The following UTP20 variants were observed in gnomAD, a reference collection of about 807,000 sequenced individuals.
UTP20 encodes small subunit processome component 20 homolog.
UTP20 carries 164 observed loss-of-function variants against 329.5 expected under a neutral mutation model. The ratio of observed to expected loss-of-function variants is 0.50; its 90% CI spans 0.44 to 0.57. The LOEUF (loss-of-function observed/expected upper bound fraction) is 0.57. Ranked by LOEUF, UTP20 falls within the 20% of genes least tolerant of loss-of-function variation. The pLI, the probability that UTP20 is intolerant of heterozygous loss-of-function variation, is 0.00. For synonymous variants in UTP20, 1,151 were observed against 1,159.3 expected, an observed-to-expected ratio of 0.99 and a Z score of 0.14; for missense variants, 3,055 against 3,284.2, an observed-to-expected ratio of 0.93 and a Z score of 1.71.
intron 35 of UTP20, 65 bp from the exon 36 acceptor site, chr12:101,344,530 G>C (rs1869254989): frequency 3.8e-6 from 3 of 798,582 alleles, no homozygotes; most frequent in African/African-American, 3.4e-5. Flanking sequence ...CTTGCACTGG[G>C]AAGTAATATT....
At chr12:101,288,849 C>T (rs1231368746) in intron 5 of UTP20, 111 bp from the exon 6 acceptor site, 3 of 898,724 alleles carry the variant, frequency 3.3e-6, no homozygotes, top group East Asian at 5.4e-5. Context: ...TTGATACCTG[C>T]TGTGTATTCC....
At chr12:101,343,229 A>T in intron 35 of UTP20, 136 bp downstream of exon 35, 1 of 569,006 alleles carries the variant, frequency 1.8e-6, no homozygotes, top group Non-Finnish European at 2.9e-6. Context: ...CTTTTAGATG[A>T]AGAATCTTAT....
intron 17 of UTP20, 150 bp downstream of exon 17, chr12:101,306,911 C>G: frequency 1.5e-6 from 1 of 685,808 alleles, no homozygotes; most frequent in Non-Finnish European, 2.2e-6. Context: ...CGGTGGCTCA[C>G]GCCTGTAATC....
At chr12:101,301,125 C>T (rs1353216520) in intron 14 of UTP20, among the ~76,000 whole-genome samples, 1 of 152,168 alleles carries the variant, frequency 6.6e-6, no homozygotes, top group Non-Finnish European at 1.5e-5. Flanking sequence ...AAACAGGCTG[C>T]TTACCAGATC....
chr12:101,303,694 T>C (rs936960049), intron 15 of UTP20, among the ~76,000 whole-genome samples: 1 of 152,128 alleles, frequency 6.6e-6, no homozygotes, highest in Non-Finnish European at 1.5e-5. Context: ...GCCTTGGCTT[T>C]TACTCTGAAT....
chr12:101,320,966 T>C (rs1344973950), intron 24 of UTP20, 29 bp downstream of exon 24: 2 of 1,559,060 alleles, frequency 1.3e-6, no homozygotes, highest in East Asian at 4.6e-5. Flanking sequence ...AAAGAACTGT[T>C]ATTTCTTCAG....
In UTP20 at chr12:101,298,897, C is replaced by G. The variant is rs188837281; in HGVS notation, c.1431-785C>G. ...TTGTTTTTTTTTTTCCTTCCTTCCC[C>G]TACCTGACCATTTTTTGGTGAATTT... On this transcript the variant is annotated intron_variant, in intron 12 of 61. Coordinates refer to ENST00000261637, the MANE Select transcript of UTP20 (RefSeq NM_014503.3). 3.1e-3 allele frequency among the ~76,000 whole-genome samples: 473 copies of G among 151,202 alleles called. 2 individuals are homozygous for G. The highest frequency in any genetic ancestry group is 0.01 in the African/African-American group (427 of 41,236).
chr12:101,324,197 C>G (rs1011853007), intron 25 of UTP20, among the ~76,000 whole-genome samples: 4 of 149,894 alleles, frequency 2.7e-5, no homozygotes, highest in African/African-American at 9.8e-5. Flanking sequence ...TCTAAACTTT[C>G]TCTACTGATT....
chr12:101,293,046 C>T (rs536036656), intron 10 of UTP20, 122 bp from the exon 11 acceptor site: 8 of 924,528 alleles, frequency 8.7e-6, no homozygotes, highest in Admixed American at 4.6e-5. Context: ...TGGAGAAGGC[C>T]GGGCAACTGG....
intron 19 of UTP20, among the ~76,000 whole-genome samples, chr12:101,311,013 C>T (rs1205356768): frequency 1.3e-5 from 2 of 152,212 alleles, no homozygotes; most frequent in Non-Finnish European, 2.9e-5. Flanking sequence ...TACTGAATGC[C>T]ATGAGGCATT....
At chr12:101,369,232 C>A (rs569488300) in intron 48 of UTP20, among the ~76,000 whole-genome samples, 1 of 152,052 alleles carries the variant, frequency 6.6e-6, no homozygotes, top group Admixed American at 6.5e-5. Flanking sequence ...TTCTAGAAAA[C>A]AGAAAAGTCA....
intron 47 of UTP20, among the ~76,000 whole-genome samples, chr12:101,367,104 ACT>A (rs1359183851): frequency 1.3e-5 from 2 of 151,490 alleles, no homozygotes; most frequent in Non-Finnish European, 2.9e-5. Context: ...ACATAGCAAG[ACT>A]CTATCTCTAC....
intron 15 of UTP20, among the ~76,000 whole-genome samples, chr12:101,304,756 G>C (rs999562587): frequency 6.6e-6 from 1 of 152,216 alleles, no homozygotes; most frequent in African/African-American, 2.4e-5. Context: ...CAAAATGTCA[G>C]TAGTGCTACT....
rs1396708382 is a variant in UTP20 at position 101,342,576 on chromosome 12, G to A, written c.4232G>A (p.Cys1411Tyr). The change falls in exon 33 of 62, where the codon TGT becomes TAT. Residue 1411 changes from cysteine to tyrosine, a missense_variant. By Grantham distance (194) the Cys-to-Tyr change is radical. This residue lies in a region of UTP20 where 2,445 missense variants were observed against 2,575.5 expected (regional missense o/e 0.95). Coordinates refer to ENST00000261637, the MANE Select transcript of UTP20 (RefSeq NM_014503.3). ...IKNKLSRKLL[C>Y]TVFETLSDFE... ...AACAAATTGTCAAGAAAATTGCTTT[G>A]TACGGTTTTTGAGGTCTGTACTATT... The A allele has an allele frequency of 6.2e-7, 1 of 1,611,584 alleles. No individual in the cohort carries two copies. The highest frequency in any genetic ancestry group is 8.5e-7 in the Non-Finnish European group (1 of 1,179,280).
intron 12 of UTP20, among the ~76,000 whole-genome samples, chr12:101,296,202 T>C (rs905752557): frequency 2.6e-5 from 4 of 152,216 alleles, no homozygotes; most frequent in Non-Finnish European, 4.4e-5. Context: ...TATCCTGTGT[T>C]GATTTGTAAC....
chr12:101,341,738 C>T (rs995504078), intron 32 of UTP20, among the ~76,000 whole-genome samples: 1 of 152,030 alleles, frequency 6.6e-6, no homozygotes, highest in South Asian at 2.1e-4. Context: ...AACCCTGTTT[C>T]TACTAAAAAT....
Position 101,329,390 on chromosome 12 carries a change from T to C in UTP20, c.3358T>C (p.Leu1120=). The change falls in exon 27 of 62, where the codon TTG becomes CTG. Residue 1120 remains leucine, a synonymous_variant. Coordinates refer to ENST00000261637, the MANE Select transcript of UTP20 (RefSeq NM_014503.3). ...GATCAGCGCATACCTGCCGAAGATT[T>C]TGCAGATACTGCTCTGTATGACAGC... is the stretch of plus-strand genomic sequence containing the variant. ...HLISAYLPKI[L]QILLCMTATV... 1 of 1,614,158 alleles carries C rather than the reference T, an allele frequency of 6.2e-7. No individual in the cohort carries two copies. The highest frequency in any genetic ancestry group is 1.3e-5 in the African/African-American group (1 of 75,046).
At chr12:101,354,261 C>CAAAAAAA (rs71091489) in intron 40 of UTP20, among the ~76,000 whole-genome samples, 6 of 80,002 alleles carry the variant, frequency 7.5e-5, no homozygotes, top group African/African-American at 1.1e-4. Flanking sequence ...GACTCTGTCT[C>CAAAAAAA]AAAAAAAAAA....
chr12:101,315,854 A>G (rs1256275521), intron 21 of UTP20, among the ~76,000 whole-genome samples: 3 of 152,086 alleles, frequency 2.0e-5, no homozygotes, highest in South Asian at 2.1e-4. Flanking sequence ...AGTTTACCCC[A>G]CGGCTTAAGG....
Sources: allele counts gnomAD v4.1 joint callset (sites outside exome capture counted in the v4.1 genomes callset), GRCh38; gene constraint gnomAD v4.1.1; regional missense constraint gnomAD v4.1.1; transcripts MANE v1.5; gene names NCBI Gene and HGNC (gene_info 2026-07-23, HGNC 2026-07-21).